ANPEP: variants seen among roughly 807,000 people sequenced by gnomAD.
ANPEP encodes alanyl aminopeptidase, membrane, also known as aminopeptidase N.
Under a neutral mutation model 114.6 loss-of-function variants are expected in ANPEP, and 70 were observed. That is an observed-to-expected ratio of 0.61 (90% CI 0.50 to 0.75). ANPEP has a LOEUF of 0.75. ANPEP is among the 30% of genes least tolerant of loss of function. The pLI, the probability that ANPEP is intolerant of heterozygous loss-of-function variation, is 0.00. For missense variants in ANPEP, 1,184 were observed against 1,259.5 expected, an observed-to-expected ratio of 0.94 and a Z score of 0.91; for synonymous variants, 548 against 522.3, an observed-to-expected ratio of 1.05 and a Z score of -0.67.
At chr15:89,790,354 G>A (rs1199444438) in intron 20 of ANPEP, 106 bp downstream of exon 20, 11 of 952,144 alleles carry the variant, frequency 1.2e-5, no homozygotes, top group East Asian at 5.0e-5. Context: ...AAGGCCTGGC[G>A]GCGTGGAGCC....
In ANPEP at chr15:89,805,437, G is replaced by C; in HGVS notation, c.641C>G (p.Ala214Gly). Residue 214 changes from alanine (A) to glycine (G), a missense_variant, in exon 3 of 21, where the codon GCT becomes GGT. Transcript: ENST00000300060. ...RKVVATTQMQ[A>G]ADARKSFPCF... is the part of the protein sequence containing the mutation. The stretch of plus-strand genomic sequence containing the variant: ...TGGGAAGGACTTCCGGGCATCTGCA[G>C]CCTGCATCTGTGTAGTGGCCACCAC... The C allele has an allele frequency of 6.2e-7, 1 of 1,614,204 alleles. No homozygotes were observed. The highest frequency in any genetic ancestry group is 8.5e-7 in the Non-Finnish European group (1 of 1,180,020).
chr15:89,804,573 G>A lies in ANPEP; in HGVS notation c.942C>T (p.Gly314=), dbSNP rs1010211214. 6 of 1,613,928 alleles carry A rather than the reference G, an allele frequency of 3.7e-6. No individual in the cohort carries two copies. The African/African-American group carries it at 4.0e-5, about 11-fold the overall frequency. ...ARPSAIAAGH[G]DYALNVTGPI... is the part of the protein sequence containing the mutation. ...GGCCCGTCACGTTCAGGGCATAATC[G>A]CCGTGGCCCGCCGCAATGGCACTGG... The change falls in exon 5 of 21, where the codon GGC becomes GGT. Residue 314 remains glycine (G), a synonymous_variant. Transcript: ENST00000300060.
intron 1 of ANPEP, among the ~76,000 whole-genome samples, chr15:89,811,207 G>A (rs557299733): frequency 6.6e-6 from 1 of 152,328 alleles, no homozygotes; most frequent in African/African-American, 2.4e-5. Flanking sequence ...TCTGGGCTGT[G>A]CACAAACCAC....
intron 1 of ANPEP, among the ~76,000 whole-genome samples, chr15:89,809,861 CTCCAGCTGCCAGCG>C (rs1894787509): frequency 6.6e-6 from 1 of 152,208 alleles, no homozygotes; most frequent in Non-Finnish European, 1.5e-5. Flanking sequence ...CCCACTGTGG[CTCCAGCTGCCAGCG>C]TCTCCCCAGA....
Position 89,806,736 on chromosome 15 carries a change from TGGGCAG to T in ANPEP, c.-159_-154del. 8.1e-7 allele frequency: 1 copy of T among 1,241,984 alleles called. No individual in the cohort carries two copies. The highest frequency in any genetic ancestry group is 1.5e-5 in the African/African-American group (1 of 65,906). 76.9% of individuals were successfully genotyped at this position (1,241,984 alleles called of 1,614,324 possible). On this transcript the variant is annotated 5_prime_UTR_variant, in exon 2 of 21. Transcript: ENST00000300060. The surrounding 1 kb of genome is among the most constrained non-coding windows in gnomAD (Gnocchi z 5.7). ...CTCCAACAGGCGAAGGTCACTGGAC[TGGGCAG>T]GGGCACGCTCCGCCTGGGGAGAGGA...
chr15:89,806,712 T>C lies in ANPEP; in HGVS notation c.-129A>G. 7.2e-7 allele frequency: 1 copy of C among 1,396,452 alleles called. No homozygotes were observed. Among genetic ancestry groups the C allele is most frequent in the Non-Finnish European group, 9.4e-7 (1 of 1,061,908 alleles). The allele number at this position is 1,396,452 out of a possible 1,614,324, so 86.5% of individuals were successfully genotyped here. A position where few individuals can be genotyped will look rare whatever the true frequency, so the allele number is the denominator to read the frequency against. On this transcript the variant is annotated 5_prime_UTR_variant, in exon 2 of 21. Transcript: ENST00000300060. This position sits in a 1 kb window ranked among gnomAD's most constrained non-coding sequence, Gnocchi z 5.7. ...AGACTGGGCAAAAATTAACCAGGGC[T>C]CCAACAGGCGAAGGTCACTGGACTG...
chr15:89,792,582 C>CTAA lies in ANPEP; in HGVS notation c.2250-21_2250-20insTTA, dbSNP rs1567155351. The CTAA allele has an allele frequency of 6.2e-7, 1 of 1,605,128 alleles. No individual in the cohort carries two copies. The highest frequency in any genetic ancestry group is 1.1e-5 in the South Asian group (1 of 90,926). ...CTGTACCTGCCCCAGGGGTGACACG[C>CTAA]GGTTAGCACACCTGGCGAACTCCAG... On this transcript the variant is annotated intron_variant, in intron 16 of 20. Coordinates refer to ENST00000300060, the MANE Select transcript of ANPEP (RefSeq NM_001150.3).
chr15:89,795,851 C>T (rs1394839516), intron 15 of ANPEP, among the ~76,000 whole-genome samples: 1 of 152,178 alleles, frequency 6.6e-6, no homozygotes, highest in Non-Finnish European at 1.5e-5. Context: ...GAGGGAGGCA[C>T]CTCCAAGCAT....
chr15:89,797,732 AAC>A lies in ANPEP; in HGVS notation c.2010-12_2010-11del. ...AGGGACCTTATGGGCACTGGGAATAAACAGAGGGGCCCAAGTAAAGCACCTCC... is the reference window on the plus strand; with the variant it reads ...AGGGACCTTATGGGCACTGGGAATAAAGAGGGGCCCAAGTAAAGCACCTCC... On this transcript the variant is annotated splice_polypyrimidine_tract_variant and intron_variant, in intron 14 of 20. Transcript: ENST00000300060. 1 of 1,613,898 alleles carries A rather than the reference AAC, an allele frequency of 6.2e-7. No homozygotes were observed. Among genetic ancestry groups the A allele is most frequent in the Non-Finnish European group, 8.5e-7 (1 of 1,179,940 alleles).
chr15:89,790,751 G>C (rs536876812), intron 19 of ANPEP, among the ~76,000 whole-genome samples: 2 of 152,054 alleles, frequency 1.3e-5, no homozygotes, highest in Non-Finnish European at 2.9e-5. Context: ...ACGCCCACAC[G>C]CCACGTTTTC....
At position 89,805,993 on chromosome 15, in the gene ANPEP, C is replaced by T. The variant is rs1221257137; in HGVS notation, c.591G>A (p.Glu197=). Residue 197 remains glutamate, a synonymous_variant, in exon 2 of 21, where the codon GAG becomes GAA. Coordinates refer to ENST00000300060, the MANE Select transcript of ANPEP (RefSeq NM_001150.3). ...ADDLAGFYRS[E]YMEGNVRKVV... is the part of the protein sequence containing the mutation. ...ACTTTCTGACATTGCCCTCCATGTA[C>T]TCGCTGCGGTAGAAGCCCGCCAGGT... The T allele has an allele frequency of 6.3e-7, 1 of 1,598,442 alleles. No individual in the cohort carries two copies. The highest frequency in any genetic ancestry group is 8.6e-7 in the Non-Finnish European group (1 of 1,169,020).
At chr15:89,807,189 A>G (rs1461137216) in intron 1 of ANPEP, among the ~76,000 whole-genome samples, 2 of 152,198 alleles carry the variant, frequency 1.3e-5, no homozygotes, top group African/African-American at 4.8e-5. Flanking sequence ...CTTCTTGCCA[A>G]ATACTTTTTC....
At position 89,803,857 on chromosome 15, in the gene ANPEP, C is replaced by T. The variant is rs1457257903; in HGVS notation, c.1293+32G>A. The T allele has an allele frequency of 6.2e-7, 1 of 1,613,966 alleles. No homozygotes were observed. The highest frequency in any genetic ancestry group is 1.3e-5 in the African/African-American group (1 of 75,048). On this transcript the variant is annotated intron_variant, in intron 7 of 20. Coordinates refer to ENST00000300060, the MANE Select transcript of ANPEP (RefSeq NM_001150.3). The surrounding 1 kb of genome is among the most constrained non-coding windows in gnomAD (Gnocchi z 4.2). Reference sequence around the variant, plus strand: ...GGTGGCCCAGGTCTCCCTCCATGCCCCCCGCACCAGACCCCTGGGCAGCTG... The same window carrying T: ...GGTGGCCCAGGTCTCCCTCCATGCCTCCCGCACCAGACCCCTGGGCAGCTG...
Sources: allele counts gnomAD v4.1 joint callset (sites outside exome capture counted in the v4.1 genomes callset), GRCh38; gene constraint gnomAD v4.1.1; non-coding constraint Gnocchi (gnomAD v3.1); transcripts MANE v1.5; gene names NCBI Gene and HGNC (gene_info 2026-07-23, HGNC 2026-07-21).